EREG: variants seen among roughly 807,000 people sequenced by gnomAD.
EREG encodes epiregulin.
In EREG, 23 loss-of-function variants were observed where a neutral mutation model predicts 22.4. That is an observed-to-expected ratio of 1.03 (90% CI 0.74 to 1.46). The LOEUF is 1.46. EREG is among the 40% of genes most tolerant of loss of function. The pLI is 0.00. For missense variants in EREG, 226 were observed against 205.9 expected, an observed-to-expected ratio of 1.10 and a Z score of -0.60; for synonymous variants, 100 against 75.4, an observed-to-expected ratio of 1.33 and a Z score of -1.69.
chr4:74,370,947 G>C (rs1752279251), intron 1 of EREG, among the ~76,000 whole-genome samples: 1 of 152,110 alleles, frequency 6.6e-6, no homozygotes, highest in African/African-American at 2.4e-5. Context: ...TGTCTCAGTT[G>C]ACATTAGGGA....
chr4:74,371,788 A>G (rs1484424559), intron 1 of EREG, among the ~76,000 whole-genome samples: 1 of 152,134 alleles, frequency 6.6e-6, no homozygotes. Flanking sequence ...TCATGCCTTC[A>G]TGCCCAAATG....
chr4:74,366,569 A>T (rs1288829098), intron 1 of EREG, among the ~76,000 whole-genome samples: 4 of 152,202 alleles, frequency 2.6e-5, no homozygotes, highest in Admixed American at 2.6e-4. Flanking sequence ...TTAAATTAGA[A>T]AGGTGACAGT....
intron 1 of EREG, among the ~76,000 whole-genome samples, chr4:74,378,312 C>A (rs895158744): frequency 6.6e-6 from 1 of 152,042 alleles, no homozygotes; most frequent in Non-Finnish European, 1.5e-5. Flanking sequence ...CAATAAGCAC[C>A]GGAATCCAAA....
chr4:74,381,309 T>A, intron 3 of EREG, 172 bp downstream of exon 3: 1 of 554,494 alleles, frequency 1.8e-6, no homozygotes, highest in Non-Finnish European at 3.1e-6. Flanking sequence ...TTTCATCCCT[T>A]AACCCCCCCA....
chr4:74,382,832 T>C (rs1752502214), intron 4 of EREG, 38 bp downstream of exon 4: 1 of 1,495,030 alleles, frequency 6.7e-7, no homozygotes, highest in African/African-American at 1.4e-5. Flanking sequence ...TTTTACAAAT[T>C]ACTTTTACAT....
In EREG at chr4:74,386,503, A is replaced by G. The variant is rs866810741; in HGVS notation, c.*1695A>G. The stretch of plus-strand genomic sequence containing the variant: ...TATATTCATATACAAACATGTATGT[A>G]TACATGACCTTAATGGATCATAGAA... On this transcript the variant is annotated 3_prime_UTR_variant, in exon 5 of 5. Coordinates refer to ENST00000244869, the MANE Select transcript of EREG (RefSeq NM_001432.3). 6.6e-6 allele frequency: 1 copy of G among 152,270 alleles called. No individual in the cohort carries two copies. Among genetic ancestry groups the G allele is most frequent in the Non-Finnish European group, 1.5e-5 (1 of 68,054 alleles). 9.4% of individuals were successfully genotyped at this position (152,270 alleles called of 1,614,324 possible).
In EREG at chr4:74,388,675, A is replaced by C. The variant is rs1343941039; in HGVS notation, c.*3867A>C. Reference sequence around the variant, plus strand: ...ATAGATAATTTACAAGATATTATTAATTTTTATTTATTTTTCTTGGGAATT... The same window carrying C: ...ATAGATAATTTACAAGATATTATTACTTTTTATTTATTTTTCTTGGGAATT... On this transcript the variant is annotated 3_prime_UTR_variant, in exon 5 of 5. Coordinates refer to ENST00000244869, the MANE Select transcript of EREG (RefSeq NM_001432.3). 6.6e-6 allele frequency: 1 copy of C among 152,558 alleles called. No homozygotes were observed. Among genetic ancestry groups the C allele is most frequent in the Non-Finnish European group, 1.5e-5 (1 of 68,026 alleles). 9.5% of individuals were successfully genotyped at this position (152,558 alleles called of 1,614,324 possible).
intron 1 of EREG, among the ~76,000 whole-genome samples, 170 bp downstream of exon 1, chr4:74,365,545 TG>T (rs1376875509): frequency 2.1e-5 from 1 of 47,144 alleles, no homozygotes; most frequent in Non-Finnish European, 4.3e-5. Flanking sequence ...GGGACTGGGG[TG>T]GGGGGGACTG....
At chr4:74,377,375 A>G (rs1230409222) in intron 1 of EREG, among the ~76,000 whole-genome samples, 1 of 152,186 alleles carries the variant, frequency 6.6e-6, no homozygotes, top group East Asian at 1.9e-4. Context: ...GTTCTCTGTG[A>G]TGTCCATTAT....
At position 74,385,479 on chromosome 4, in the gene EREG, G is replaced by A. The variant is rs1307524072; in HGVS notation, c.*671G>A. ...ACAGGTACTAGTCACTCATCTACCA[G>A]ATTCTGCCTATGTAAAATGAATTGA... On this transcript the variant is annotated 3_prime_UTR_variant, in exon 5 of 5. Transcript: ENST00000244869. The A allele has an allele frequency of 6.4e-6, 1 of 156,966 alleles. No homozygotes were observed. Among genetic ancestry groups the A allele is most frequent in the Non-Finnish European group, 1.4e-5 (1 of 71,370 alleles). 9.7% of individuals were successfully genotyped at this position (156,966 alleles called of 1,614,324 possible). A position where few individuals can be genotyped will look rare whatever the true frequency, so the allele number is the denominator to read the frequency against.
Position 74,387,866 on chromosome 4 carries a change from A to G in EREG, c.*3058A>G, listed in dbSNP as rs1752597924. 1.3e-5 allele frequency: 2 copies of G among 152,238 alleles called. No homozygotes were observed. 9.4% of individuals were successfully genotyped at this position (152,238 alleles called of 1,614,324 possible). A position where few individuals can be genotyped will look rare whatever the true frequency, so the allele number is the denominator to read the frequency against. ...TCTTTAACCAGGAATATTAAGTTCT[A>G]TAACTAGTACTCAAGGTTTAACCTT... On this transcript the variant is annotated 3_prime_UTR_variant, in exon 5 of 5. Coordinates refer to ENST00000244869, the MANE Select transcript of EREG (RefSeq NM_001432.3).
At chr4:74,370,465 C>A (rs1752270887) in intron 1 of EREG, among the ~76,000 whole-genome samples, 1 of 152,064 alleles carries the variant, frequency 6.6e-6, no homozygotes, top group African/African-American at 2.4e-5. Flanking sequence ...TTTTGAGAAG[C>A]AAAATACCTA....
chr4:74,381,461 G>T, intron 3 of EREG: 1 of 169,072 alleles, frequency 5.9e-6, no homozygotes, highest in Non-Finnish European at 1.3e-5. Flanking sequence ...TTTATATTTT[G>T]AAATTACCCT....
At position 74,371,513 on chromosome 4, in the gene EREG, C is replaced by CT. The variant is rs138309775; in HGVS notation, c.67+6143dup. ...CTTAATTTTCTTTTTTCTCTAATTT[C>CT]TTTTTCTCTTTTCTTTGCCACTTCT... On this transcript the variant is annotated intron_variant, in intron 1 of 4. Coordinates refer to ENST00000244869, the MANE Select transcript of EREG (RefSeq NM_001432.3). Among the ~76,000 whole-genome samples, 1,121 of 152,204 alleles carry CT rather than the reference C, an allele frequency of 7.4e-3. 14 individuals are homozygous for CT. Among genetic ancestry groups the CT allele is most frequent in the African/African-American group, 0.026 (1,080 of 41,518 alleles).
At chr4:74,376,114 G>A (rs962778498) in intron 1 of EREG, among the ~76,000 whole-genome samples, 1 of 152,122 alleles carries the variant, frequency 6.6e-6, no homozygotes, top group African/African-American at 2.4e-5. Context: ...GTTTCCAACG[G>A]TGGAAAAACT....
At chr4:74,375,931 G>C (rs541412128) in intron 1 of EREG, among the ~76,000 whole-genome samples, 19 of 152,142 alleles carry the variant, frequency 1.2e-4, no homozygotes, top group Non-Finnish European at 2.2e-4. Context: ...AAAATATCCT[G>C]CTGTAGGATT....
At chr4:74,378,844 G>A (rs750638937) in intron 1 of EREG, among the ~76,000 whole-genome samples, 3 of 152,132 alleles carry the variant, frequency 2.0e-5, no homozygotes. Context: ...GATAGAAACT[G>A]GATTCTAGGG....
chr4:74,386,865 C>G lies in EREG; in HGVS notation c.*2057C>G, dbSNP rs889020188. 5 of 152,040 alleles carry G rather than the reference C, an allele frequency of 3.3e-5. No homozygotes were observed. Among genetic ancestry groups the G allele is most frequent in the African/African-American group, 1.2e-4 (5 of 41,348 alleles). The allele number at this position is 152,040 out of a possible 1,614,324, so 9.4% of individuals were successfully genotyped here. The stretch of plus-strand genomic sequence containing the variant: ...GGAGTGCAGTGGCACGATCTCGGCT[C>G]ACTGCAACCTCACCTCCCGGGTTCA... On this transcript the variant is annotated 3_prime_UTR_variant, in exon 5 of 5. Coordinates refer to ENST00000244869, the MANE Select transcript of EREG (RefSeq NM_001432.3).
chr4:74,379,915 C>T (rs1752446011), intron 2 of EREG, among the ~76,000 whole-genome samples: 1 of 152,194 alleles, frequency 6.6e-6, no homozygotes, highest in Admixed American at 6.5e-5. Context: ...CTCTCTCTTT[C>T]TACCCCTCTC....
Sources: allele counts gnomAD v4.1 joint callset (sites outside exome capture counted in the v4.1 genomes callset), GRCh38; gene constraint gnomAD v4.1.1; transcripts MANE v1.5; gene names NCBI Gene and HGNC (gene_info 2026-07-23, HGNC 2026-07-21).